PLA2G4A: variants seen among roughly 807,000 people sequenced by gnomAD.
PLA2G4A encodes the protein cytosolic phospholipase A2.
In PLA2G4A, 40 loss-of-function variants were observed where a neutral mutation model predicts 81.9. The observed-to-expected ratio is 0.49, with a 90% CI of 0.38 to 0.64. The LOEUF (loss-of-function observed/expected upper bound fraction) is 0.64. PLA2G4A is among the 30% of genes least tolerant of loss of function. The pLI is 0.00. For synonymous variants in PLA2G4A, 302 were observed against 296.9 expected (o/e 1.02, Z -0.18); for missense variants, 715 against 905.1 (o/e 0.79, Z 2.69).
At chr1:186,883,540 A>G (rs1653820065) in intron 3 of PLA2G4A, among the ~76,000 whole-genome samples, 2 of 152,122 alleles carry the variant, frequency 1.3e-5, no homozygotes, top group African/African-American at 2.4e-5. Flanking sequence ...TTTTGACTAC[A>G]TGAGCAATAC....
At chr1:186,918,203 C>A (rs541613118) in intron 7 of PLA2G4A, among the ~76,000 whole-genome samples, 2 of 152,288 alleles carry the variant, frequency 1.3e-5, no homozygotes, top group African/African-American at 4.8e-5. Flanking sequence ...GCTTTTTGAG[C>A]TTCTGAATCA....
chr1:186,878,695 G>A (rs1190508827), intron 3 of PLA2G4A, among the ~76,000 whole-genome samples: 1 of 151,746 alleles, frequency 6.6e-6, no homozygotes, highest in East Asian at 1.9e-4. Flanking sequence ...TATGAATACA[G>A]TTAATCCTTT....
chr1:186,877,705 C>CAAAAAAAAAAA (rs58954006), intron 3 of PLA2G4A, among the ~76,000 whole-genome samples: 7 of 86,914 alleles, frequency 8.1e-5, no homozygotes, highest in East Asian at 3.8e-4. Context: ...GGCTTACTCA[C>CAAAAAAAAAAA]AAAAAAAAAA....
At chr1:186,841,978 ATCTTAAAGGAGCTATG>A (rs1651998295) in intron 1 of PLA2G4A, among the ~76,000 whole-genome samples, 1 of 151,748 alleles carries the variant, frequency 6.6e-6, no homozygotes, top group Non-Finnish European at 1.5e-5. Flanking sequence ...TAGCTGCTCC[ATCTTAAAGGAGCTATG>A]CTCTCTCCTT....
chr1:186,839,915 A>G (rs895722210), intron 1 of PLA2G4A, among the ~76,000 whole-genome samples: 1 of 150,620 alleles, frequency 6.6e-6, no homozygotes, highest in Admixed American at 6.6e-5. Flanking sequence ...AATATTATTT[A>G]AAGGGTCTGC....
intron 8 of PLA2G4A, among the ~76,000 whole-genome samples, chr1:186,937,891 C>T (rs1003989178): frequency 9.9e-5 from 15 of 151,898 alleles, no homozygotes; most frequent in South Asian, 2.1e-4. Flanking sequence ...AAGACAACAG[C>T]TTATGAACAA....
At chr1:186,982,684 C>CGT (rs944149124) in intron 17 of PLA2G4A, among the ~76,000 whole-genome samples, 536 of 35,104 alleles carry the variant, frequency 0.015, 1 homozygote, top group Middle Eastern at 0.043. Flanking sequence ...TGTGTGTGTG[C>CGT]GTGTGTGTGT....
intron 3 of PLA2G4A, among the ~76,000 whole-genome samples, chr1:186,889,166 A>T (rs1654044381): frequency 6.6e-6 from 1 of 152,122 alleles, no homozygotes. Flanking sequence ...CTTCCCACTC[A>T]ATCTTTTTGT....
chr1:186,942,684 T>C (rs1490366710), intron 10 of PLA2G4A, among the ~76,000 whole-genome samples: 2 of 152,196 alleles, frequency 1.3e-5, no homozygotes, highest in African/African-American at 4.8e-5. Context: ...AAAACTTAAC[T>C]AAAATAATTA....
At chr1:186,859,069 C>G (rs1336685908) in intron 2 of PLA2G4A, among the ~76,000 whole-genome samples, 1 of 152,120 alleles carries the variant, frequency 6.6e-6, no homozygotes, top group African/African-American at 2.4e-5. Context: ...ATCAAGCCAG[C>G]TTACTATTAA....
chr1:186,848,318 C>G (rs535400370), intron 1 of PLA2G4A, among the ~76,000 whole-genome samples: 1 of 152,120 alleles, frequency 6.6e-6, no homozygotes, highest in Admixed American at 6.6e-5. Flanking sequence ...CCTCTATTCT[C>G]GCTCTCTCTG....
Position 186,988,440 on chromosome 1 carries a change from G to A in PLA2G4A, c.2182G>A (p.Val728Ile), listed in dbSNP as rs767390140. 6.2e-7 allele frequency: 1 copy of A among 1,611,694 alleles called. No individual in the cohort carries two copies. Among genetic ancestry groups the A allele is most frequent in the South Asian group, 1.1e-5 (1 of 91,034 alleles). ...YRRQNPSRCS[V>I]SLSNVEARRF... Reference sequence around the variant, plus strand: ...AAGACAGAATCCATCTCGTTGCTCTGTTTCCCTTAGTAATGTTGAGGCAAG... The same window carrying A: ...AAGACAGAATCCATCTCGTTGCTCTATTTCCCTTAGTAATGTTGAGGCAAG... The change falls in exon 18 of 18, where the codon GTT becomes ATT. Residue 728 changes from valine (V) to isoleucine (I), a missense_variant. Coordinates refer to ENST00000367466, the MANE Select transcript of PLA2G4A (RefSeq NM_024420.3).
At chr1:186,929,168 T>C (rs1571411118) in intron 7 of PLA2G4A, among the ~76,000 whole-genome samples, 1 of 152,224 alleles carries the variant, frequency 6.6e-6, no homozygotes, top group Non-Finnish European at 1.5e-5. Context: ...TGAGCAATGA[T>C]AAAGGAAAGA....
At chr1:186,909,435 T>C (rs1392421439) in intron 6 of PLA2G4A, among the ~76,000 whole-genome samples, 2 of 150,382 alleles carry the variant, frequency 1.3e-5, no homozygotes, top group Non-Finnish European at 3.0e-5. Context: ...CTGAAGTGGG[T>C]TGATTACCCG....
chr1:186,878,633 C>T (rs1332049309), intron 3 of PLA2G4A, among the ~76,000 whole-genome samples: 1 of 151,780 alleles, frequency 6.6e-6, no homozygotes, highest in Non-Finnish European at 1.5e-5. Flanking sequence ...ACTGTTGTTC[C>T]TTCCTCATCT....
intron 14 of PLA2G4A, among the ~76,000 whole-genome samples, chr1:186,962,675 C>G (rs1457728654): frequency 1.3e-5 from 2 of 152,082 alleles, no homozygotes; most frequent in East Asian, 3.9e-4. Context: ...CGCCCGCCAC[C>G]GCGCCCGGCT....
At chr1:186,866,973 CT>C (rs1289286908) in intron 2 of PLA2G4A, among the ~76,000 whole-genome samples, 2 of 152,012 alleles carry the variant, frequency 1.3e-5, no homozygotes, top group African/African-American at 4.8e-5. Flanking sequence ...ATTTTATTGT[CT>C]TTTCTCCTTT....
At chr1:186,837,753 G>GAAAAAA (rs1267826917) in intron 1 of PLA2G4A, among the ~76,000 whole-genome samples, 2 of 118,164 alleles carry the variant, frequency 1.7e-5, no homozygotes, top group African/African-American at 3.4e-5. Flanking sequence ...AAAAAAAAAA[G>GAAAAAA]AAAAAGAAAA....
intron 2 of PLA2G4A, among the ~76,000 whole-genome samples, chr1:186,864,040 A>AC (rs57515431): frequency 6.6e-6 from 1 of 152,174 alleles, no homozygotes; most frequent in East Asian, 1.9e-4. Flanking sequence ...TGCTGGGATT[A>AC]AGGCATGAGC....
Sources: gnomAD v4.1 joint callset for allele counts (sites outside exome capture counted in the v4.1 genomes callset) on GRCh38, gnomAD v4.1.1 for gene constraint, MANE v1.5 for transcripts, NCBI Gene and HGNC (gene_info 2026-07-23, HGNC 2026-07-21) for gene names.